The following KDM4A variants were observed in gnomAD, a reference collection of about 807,000 sequenced individuals.
KDM4A encodes lysine demethylase 4A.
Under a neutral mutation model 127.1 loss-of-function variants are expected in KDM4A, and 23 were observed. The observed-to-expected ratio is 0.18, with a 90% confidence interval of 0.13 to 0.26. The LOEUF (loss-of-function observed/expected upper bound fraction) is 0.26, where lower values mean the gene tolerates loss of function less well. Ranked by LOEUF, KDM4A falls within the 10% of genes least tolerant of loss-of-function variation. KDM4A has a pLI of 1.00. For missense variants in KDM4A, 890 were observed against 1,329.1 expected, an observed-to-expected ratio of 0.67 and a Z score of 5.14; for synonymous variants, 443 against 466.5, an observed-to-expected ratio of 0.95 and a Z score of 0.65.
chr1:43,703,248 A>G (rs189503306), intron 19 of KDM4A: 3 of 163,890 alleles, frequency 1.8e-5, no homozygotes, highest in African/African-American at 7.2e-5. Flanking sequence ...GGCCAAAAAA[A>G]ACACATGTCT....
chr1:43,673,348 C>T (rs996848231), intron 11 of KDM4A, among the ~76,000 whole-genome samples: 1 of 152,222 alleles, frequency 6.6e-6, no homozygotes, highest in Non-Finnish European at 1.5e-5. Context: ...AAATTTCTGA[C>T]GTACGTACAA....
chr1:43,698,142 CAGAA>C (rs1221078676), intron 19 of KDM4A, 129 bp downstream of exon 19: 2 of 817,072 alleles, frequency 2.4e-6, no homozygotes, highest in South Asian at 3.9e-5. Context: ...TGTCCTCAAA[CAGAA>C]AGAATCATCT....
chr1:43,685,339 C>T (rs904408596), intron 12 of KDM4A, among the ~76,000 whole-genome samples: 2 of 152,092 alleles, frequency 1.3e-5, no homozygotes, highest in African/African-American at 4.8e-5. Context: ...GGTGACTGGG[C>T]CCTGTCACCT....
intron 4 of KDM4A, 58 bp downstream of exon 4, chr1:43,660,470 T>G: frequency 6.5e-7 from 1 of 1,542,040 alleles, no homozygotes; most frequent in Non-Finnish European, 8.8e-7. Flanking sequence ...ATACCTTTTT[T>G]TCGGCCCGGC....
intron 9 of KDM4A, among the ~76,000 whole-genome samples, chr1:43,668,357 C>T (rs1660546426): frequency 6.6e-6 from 1 of 152,160 alleles, no homozygotes; most frequent in African/African-American, 2.4e-5. Flanking sequence ...GATCTCCTGA[C>T]CTCGTGATCC....
Position 43,679,484 on chromosome 1 carries a change from C to T in KDM4A, c.1735-4200C>T, listed in dbSNP as rs188139708. 1.8e-3 allele frequency among the ~76,000 whole-genome samples: 274 copies of T among 152,270 alleles called. 1 individual carries two copies. The highest frequency in any genetic ancestry group is 6.3e-3 in the African/African-American group (263 of 41,556). ...ATAGCACTGGATCTATATTTGTAGA[C>T]AACTGGGTTCCTTAGAGCACCCTTA... On this transcript the variant is annotated intron_variant, in intron 11 of 21. Transcript: ENST00000372396.
intron 5 of KDM4A, among the ~76,000 whole-genome samples, chr1:43,665,418 G>A (rs182165645): frequency 6.6e-6 from 1 of 152,020 alleles, no homozygotes; most frequent in African/African-American, 2.4e-5. Context: ...ATAAAGGAGA[G>A]TAATATTATG....
chr1:43,666,244 A>T (rs948378901), intron 6 of KDM4A: 9 of 524,076 alleles, frequency 1.7e-5, no homozygotes, highest in Non-Finnish European at 2.7e-5. Flanking sequence ...ACAGGATTTC[A>T]TTACCCACGT....
intron 5 of KDM4A, among the ~76,000 whole-genome samples, chr1:43,664,076 G>T (rs1476672193): frequency 6.6e-6 from 1 of 152,182 alleles, no homozygotes; most frequent in Non-Finnish European, 1.5e-5. Flanking sequence ...AGCTCTGAAG[G>T]GGAAGAAGTG....
At chr1:43,679,613 C>G (rs886377722) in intron 11 of KDM4A, among the ~76,000 whole-genome samples, 10 of 152,102 alleles carry the variant, frequency 6.6e-5, no homozygotes, top group Non-Finnish European at 1.5e-4. Context: ...TTAGGTCAGT[C>G]TGGTAAACTG....
At chr1:43,703,758 T>G (rs770130950) in intron 20 of KDM4A, 22 bp downstream of exon 20, 8 of 1,613,774 alleles carry the variant, frequency 5.0e-6, no homozygotes, top group Non-Finnish European at 6.8e-6. Context: ...TCTACCTTTC[T>G]AGGGAGTGGG....
chr1:43,657,136 C>T (rs1211932022), intron 3 of KDM4A, among the ~76,000 whole-genome samples: 1 of 152,038 alleles, frequency 6.6e-6, no homozygotes, highest in East Asian at 1.9e-4. Flanking sequence ...GATCCTCCTG[C>T]CTCAGCCTCC....
intron 3 of KDM4A, among the ~76,000 whole-genome samples, chr1:43,656,333 T>TA: frequency 7.5e-6 from 1 of 132,810 alleles, no homozygotes; most frequent in Non-Finnish European, 1.6e-5. Context: ...CTGTTGGTTT[T>TA]TTTTTTTTTT....
intron 12 of KDM4A, among the ~76,000 whole-genome samples, chr1:43,687,460 A>G (rs186723388): frequency 6.6e-6 from 1 of 152,112 alleles, no homozygotes; most frequent in Non-Finnish European, 1.5e-5. Context: ...AGATGCATGG[A>G]TCCCCTGGGA....
chr1:43,673,424 C>G (rs1660671251), intron 11 of KDM4A, among the ~76,000 whole-genome samples: 1 of 152,186 alleles, frequency 6.6e-6, no homozygotes, highest in Non-Finnish European at 1.5e-5. Flanking sequence ...CATTTGCTTT[C>G]TGTTTTCTTT....
At position 43,688,338 on chromosome 1, in the gene KDM4A, G is replaced by C. The variant is rs972146668; in HGVS notation, c.1856-576G>C. Among the ~76,000 whole-genome samples the C allele has an allele frequency of 3.3e-5, 5 of 152,182 alleles. No individual in the cohort carries two copies. The highest frequency in any genetic ancestry group is 1.2e-4 in the African/African-American group (5 of 41,442). ...GAAGAGGATTCATCTTGGACATGTA[G>C]CTCTGCTCTAGGAGGGGTTGGGGAG... On this transcript the variant is annotated intron_variant, in intron 12 of 21. Transcript: ENST00000372396. This position sits in a 1 kb window ranked among gnomAD's most constrained non-coding sequence, Gnocchi z 4.4.
intron 8 of KDM4A, among the ~76,000 whole-genome samples, chr1:43,667,536 AGTTAGT>A (rs1660526500): frequency 6.6e-6 from 1 of 152,152 alleles, no homozygotes; most frequent in Non-Finnish European, 1.5e-5. Flanking sequence ...TGTGACCCCG[AGTTAGT>A]GCCCAGGTAG....
In KDM4A at chr1:43,694,252, C is replaced by A; in HGVS notation, c.2484+150C>A. 1.5e-6 allele frequency: 1 copy of A among 670,136 alleles called. No homozygotes were observed. Among genetic ancestry groups the A allele is most frequent in the Non-Finnish European group, 2.6e-6 (1 of 391,472 alleles). The allele number at this position is 670,136 out of a possible 1,614,324, so 41.5% of individuals were successfully genotyped here. On this transcript the variant is annotated intron_variant, in intron 17 of 21. Coordinates refer to ENST00000372396, the MANE Select transcript of KDM4A (RefSeq NM_014663.3). The surrounding 1 kb of genome is among the most constrained non-coding windows in gnomAD (Gnocchi z 5.2). ...TTAGTGGAGGCCAGGTGTGGTGGCT[C>A]ACACCTGTAATCCCAGCCCTTTGTG...
In KDM4A at chr1:43,666,449, T is replaced by C. The variant is rs772512859; in HGVS notation, c.674-3T>C. The C allele has an allele frequency of 2.5e-6, 4 of 1,613,450 alleles. No homozygotes were observed. The highest frequency in any genetic ancestry group is 2.7e-5 in the African/African-American group (2 of 74,908). On this transcript the variant is annotated splice_region_variant and splice_polypyrimidine_tract_variant and intron_variant, in intron 6 of 21. Coordinates refer to ENST00000372396, the MANE Select transcript of KDM4A (RefSeq NM_014663.3). ...GTTAACCTGTACCCTTTCAATTAAA[T>C]AGGCTTTTTCCCAGGAAGTGCTCAA...
Sources: gnomAD v4.1 joint callset for allele counts (sites outside exome capture counted in the v4.1 genomes callset) on GRCh38, gnomAD v4.1.1 for gene constraint, Gnocchi (gnomAD v3.1) non-coding constraint, MANE v1.5 for transcripts, NCBI Gene and HGNC (gene_info 2026-07-23, HGNC 2026-07-21) for gene names.